Variants in TFAP2B observed in about 807,000 individuals in gnomAD.
TFAP2B encodes the protein transcription factor AP-2 beta, also known as transcription factor AP-2-beta.
TFAP2B carries 9 observed loss-of-function variants against 44.3 expected under a neutral mutation model. The ratio of observed to expected loss-of-function variants is 0.20; its 90% CI spans 0.12 to 0.35. The LOEUF (loss-of-function observed/expected upper bound fraction) is 0.35. Ranked by LOEUF, TFAP2B falls within the 10% of genes least tolerant of loss-of-function variation. The pLI is 1.00. For missense variants in TFAP2B, 509 were observed against 600.0 expected (o/e 0.85, Z 1.59); for synonymous variants, 270 against 263.8 (o/e 1.02, Z -0.23).
intron 3 of TFAP2B, among the ~76,000 whole-genome samples, chr6:50,834,522 T>C (rs1339946253): frequency 6.6e-6 from 1 of 152,216 alleles, no homozygotes; most frequent in Non-Finnish European, 1.5e-5. Flanking sequence ...AAATTCATAG[T>C]AAATAAAAGA....
Position 50,823,693 on chromosome 6 carries a change from C to G in TFAP2B, c.368C>G (p.Pro123Arg). 6.2e-7 allele frequency: 1 copy of G among 1,613,764 alleles called. No homozygotes were observed. The change falls in exon 2 of 7, where the codon CCC (proline) becomes CGC (arginine). Residue 123 changes from proline to arginine, a missense_variant. Pro to Arg is a moderately radical substitution (Grantham distance 103, BLOSUM62 -2). This residue lies in a region of TFAP2B where 296 missense variants were observed against 308.2 expected (regional missense o/e 0.96). Transcript: ENST00000393655. The part of the protein sequence containing the change: ...EVGSEAGSLL[P>R]QPRAALPQLS... ...GGTTCGGAAGCCGGCTCTCTCCTGC[C>G]CCAGCCTCGGGCCGCCTTGCCCCAG...
At chr6:50,822,334 C>T (rs922997596) in intron 1 of TFAP2B, among the ~76,000 whole-genome samples, 1 of 152,124 alleles carries the variant, frequency 6.6e-6, no homozygotes, top group African/African-American at 2.4e-5. Context: ...GCAGCTGCTT[C>T]TCTCTGCATT....
rs559164137 is a variant in TFAP2B at position 50,836,291 on chromosome 6, C to A, written c.821+11C>A. The A allele has an allele frequency of 2.9e-5, 46 of 1,605,522 alleles. No homozygotes were observed. The South Asian group carries it at 4.2e-4, about 15-fold the overall frequency. Reference sequence around the variant, plus strand: ...CGGAGTCCTCAGAAGGTAACCCCACCACGAAAAACAAAAACAAAAACAAAA... The same window carrying A: ...CGGAGTCCTCAGAAGGTAACCCCACAACGAAAAACAAAAACAAAAACAAAA... On this transcript the variant is annotated intron_variant, in intron 4 of 6. Coordinates refer to ENST00000393655, the MANE Select transcript of TFAP2B (RefSeq NM_003221.4).
Position 50,837,983 on chromosome 6 carries a change from C to A in TFAP2B, c.830C>A (p.Ser277Ter). The A allele has an allele frequency of 6.2e-7, 1 of 1,613,780 alleles. No individual in the cohort carries two copies. The highest frequency in any genetic ancestry group is 1.1e-5 in the South Asian group (1 of 91,058). ...LLGGVLRRAKSKNGGRSLRER... is the reference protein window; with the variant it reads ...LLGGVLRRAK ...AATTCTTGCAATTTCAGAGCCAAAT[C>A]GAAAAATGGGGGGAGATCTTTGCGA... The change falls in exon 5 of 7, where the codon TCG (serine) becomes TAG (stop). Residue 277 changes from serine (S) to a stop codon, truncating the protein, a stop_gained. Transcript: ENST00000393655. LOFTEE classifies it high-confidence loss of function.
chr6:50,823,373 C>G lies in TFAP2B; in HGVS notation c.82-34C>G, dbSNP rs1770408474. The G allele has an allele frequency of 3.3e-6, 5 of 1,531,712 alleles. No homozygotes were observed. The African/African-American group carries it at 6.9e-5, about 21-fold the overall frequency. 94.9% of individuals were successfully genotyped at this position (1,531,712 alleles called of 1,614,324 possible). ...TATCTCTCTTTCTCTGTCTCCTTCT[C>G]TGGCTCTCTTCCCCTTCCTCTCTCC... On this transcript the variant is annotated intron_variant, in intron 1 of 6. Transcript: ENST00000393655.
At chr6:50,840,345 G>A (rs1048659708) in intron 6 of TFAP2B, 48 bp downstream of exon 6, 17 of 1,608,444 alleles carry the variant, frequency 1.1e-5, no homozygotes, top group Non-Finnish European at 1.4e-5. Context: ...AGCTGGCTAG[G>A]CCACCCGACT....
At chr6:50,825,976 A>C (rs949649697) in intron 2 of TFAP2B, among the ~76,000 whole-genome samples, 2 of 152,194 alleles carry the variant, frequency 1.3e-5, no homozygotes, top group African/African-American at 4.8e-5. Flanking sequence ...GGTGAAGTTG[A>C]CTGATGCAGG....
intron 6 of TFAP2B, among the ~76,000 whole-genome samples, chr6:50,842,650 C>T (rs1324396034): frequency 6.6e-6 from 1 of 152,208 alleles, no homozygotes; most frequent in Admixed American, 6.5e-5. Flanking sequence ...AGGCTTGTGG[C>T]CGAGGGGCCT....
chr6:50,826,878 G>A (rs749316707), intron 2 of TFAP2B, among the ~76,000 whole-genome samples: 2 of 152,148 alleles, frequency 1.3e-5, no homozygotes, highest in Non-Finnish European at 2.9e-5. Context: ...AACTAAAGAA[G>A]TCTAGTAATT....
chr6:50,830,033 C>T (rs546811745), intron 3 of TFAP2B, among the ~76,000 whole-genome samples: 33 of 152,222 alleles, frequency 2.2e-4, no homozygotes, highest in Non-Finnish European at 4.6e-4. Context: ...TACCCAGGCT[C>T]GGTGCTTAAA....
At position 50,838,111 on chromosome 6, in the gene TFAP2B, C is replaced by T. The variant is rs1762657500; in HGVS notation, c.940+18C>T. The T allele has an allele frequency of 1.3e-6, 2 of 1,582,782 alleles. No individual in the cohort carries two copies. Among genetic ancestry groups the T allele is most frequent in the Non-Finnish European group, 1.7e-6 (2 of 1,151,386 alleles). ...GGTGGAAGGTAAGCAAGACGTGTGG[C>T]CATTTCACGAAGTGGCTGAGCTTAA... On this transcript the variant is annotated intron_variant, in intron 5 of 6. Coordinates refer to ENST00000393655, the MANE Select transcript of TFAP2B (RefSeq NM_003221.4).
chr6:50,830,931 T>C (rs531735892), intron 3 of TFAP2B, among the ~76,000 whole-genome samples: 42 of 152,320 alleles, frequency 2.8e-4, no homozygotes, highest in African/African-American at 9.6e-4. Flanking sequence ...TTTCTTAATA[T>C]ATTTTCTAAT....
At chr6:50,818,514 C>T (rs2857525), upstream of TFAP2B, among the ~76,000 whole-genome samples, 6,842 of 152,180 alleles carry the variant, frequency 0.045, 497 homozygotes, top group African/African-American at 0.15. Flanking sequence ...AATGATGTGT[C>T]ATTTTCGATA....
intron 2 of TFAP2B, among the ~76,000 whole-genome samples, chr6:50,825,757 G>T (rs9473917): frequency 0.026 from 3,951 of 152,214 alleles, 172 homozygotes; most frequent in African/African-American, 0.089. Context: ...CAGCACACCG[G>T]AGCCACTTGC....
At chr6:50,835,194 T>A (rs896441964) in intron 3 of TFAP2B, among the ~76,000 whole-genome samples, 7 of 152,224 alleles carry the variant, frequency 4.6e-5, no homozygotes, top group African/African-American at 1.7e-4. Context: ...TATCAATTAC[T>A]TGCCGAAAAG....
At chr6:50,833,030 T>C (rs1442654478) in intron 3 of TFAP2B, among the ~76,000 whole-genome samples, 2 of 152,220 alleles carry the variant, frequency 1.3e-5, no homozygotes, top group African/African-American at 4.8e-5. Flanking sequence ...AAAAAAATAC[T>C]TCTAATGTAT....
At chr6:50,819,095 C>A in intron 1 of TFAP2B, 123 bp downstream of exon 1, 1 of 956,654 alleles carries the variant, frequency 1.0e-6, no homozygotes, top group Non-Finnish European at 1.6e-6. Flanking sequence ...GTTTTCTCAG[C>A]TTTTTTTAAC....
chr6:50,827,308 T>A (rs528639499), intron 2 of TFAP2B, among the ~76,000 whole-genome samples: 2 of 152,382 alleles, frequency 1.3e-5, no homozygotes, highest in East Asian at 3.9e-4. Context: ...GAAATATTTT[T>A]AAAACACCTT....
intron 2 of TFAP2B, among the ~76,000 whole-genome samples, chr6:50,828,022 G>T (rs1770576204): frequency 1.3e-5 from 2 of 152,186 alleles, no homozygotes; most frequent in African/African-American, 4.8e-5. Flanking sequence ...AGGGTAAATT[G>T]TGAAGGTTCC....
Sources: gnomAD v4.1 joint callset for allele counts (sites outside exome capture counted in the v4.1 genomes callset) on GRCh38, gnomAD v4.1.1 for gene constraint, gnomAD v4.1.1 regional missense constraint, MANE v1.5 for transcripts, NCBI Gene and HGNC (gene_info 2026-07-23, HGNC 2026-07-21) for gene names.